ARMC8: variants seen among roughly 807,000 people sequenced by gnomAD.
The protein encoded by ARMC8 is armadillo repeat-containing protein 8.
A neutral mutation model predicts 99.3 loss-of-function variants in ARMC8; 20 were observed. That is an observed-to-expected ratio of 0.20 (90% CI 0.14 to 0.29). The LOEUF is 0.29. ARMC8 is among the 10% of genes least tolerant of loss of function. The pLI is 1.00. For missense variants in ARMC8, 569 were observed against 809.5 expected (o/e 0.70, Z 3.60); for synonymous variants, 263 against 278.3 (o/e 0.95, Z 0.55).
At chr3:138,218,918 A>C (rs1474110114) in intron 2 of ARMC8, among the ~76,000 whole-genome samples, 2 of 152,208 alleles carry the variant, frequency 1.3e-5, no homozygotes, top group Non-Finnish European at 2.9e-5. Context: ...TTTATTTTGC[A>C]TAAAAATGTA....
At chr3:138,264,412 C>CTT (rs11298899) in intron 14 of ARMC8, among the ~76,000 whole-genome samples, 200 bp downstream of exon 14, 91 of 48,592 alleles carry the variant, frequency 1.9e-3, no homozygotes, top group African/African-American at 4.0e-3. Flanking sequence ...GATTTTCTTT[C>CTT]TTTTTTTTTT....
At chr3:138,226,025 C>T (rs557973447) in intron 5 of ARMC8, among the ~76,000 whole-genome samples, 6 of 152,286 alleles carry the variant, frequency 3.9e-5, no homozygotes, top group African/African-American at 1.4e-4. Context: ...TGGAGTCTTG[C>T]TCTGTTGCCC....
intron 10 of ARMC8, among the ~76,000 whole-genome samples, chr3:138,241,233 G>A (rs1328368215): frequency 6.6e-6 from 1 of 152,160 alleles, no homozygotes; most frequent in Admixed American, 6.5e-5. Context: ...CATTTCAGTT[G>A]CATTATAGTA....
chr3:138,231,700 G>A (rs1014772344), intron 6 of ARMC8, among the ~76,000 whole-genome samples: 2 of 151,772 alleles, frequency 1.3e-5, no homozygotes, highest in East Asian at 1.9e-4. Context: ...TCCCTTGAGC[G>A]AGAGGATCCC....
intron 2 of ARMC8, among the ~76,000 whole-genome samples, chr3:138,216,984 A>G (rs2045085572): frequency 6.6e-6 from 1 of 152,228 alleles, no homozygotes; most frequent in Non-Finnish European, 1.5e-5. Context: ...AAATATGTTT[A>G]GCTACACATT....
chr3:138,215,537 A>G (rs2044974651), intron 2 of ARMC8, among the ~76,000 whole-genome samples: 1 of 152,098 alleles, frequency 6.6e-6, no homozygotes, highest in South Asian at 2.1e-4. Context: ...TCAAATGTAT[A>G]AAGCGCTTAA....
chr3:138,264,249 A>G (rs770785995), intron 14 of ARMC8, 37 bp downstream of exon 14: 3 of 1,552,400 alleles, frequency 1.9e-6, no homozygotes, highest in South Asian at 2.2e-5. Flanking sequence ...AGCTGTACTC[A>G]CAGACCCTAG....
chr3:138,221,505 T>TA (rs993544128), intron 2 of ARMC8, among the ~76,000 whole-genome samples: 30 of 148,940 alleles, frequency 2.0e-4, no homozygotes, highest in African/African-American at 2.7e-4. Flanking sequence ...TATAAAGAAG[T>TA]AAAAAAAAAA....
At chr3:138,226,367 T>G (rs180800359) in intron 5 of ARMC8, among the ~76,000 whole-genome samples, 2 of 152,300 alleles carry the variant, frequency 1.3e-5, no homozygotes, top group Non-Finnish European at 2.9e-5. Flanking sequence ...ATCTATAGAG[T>G]GTTTACTGTA....
At chr3:138,197,271 T>C (rs1416223643) in intron 1 of ARMC8, among the ~76,000 whole-genome samples, 3 of 152,130 alleles carry the variant, frequency 2.0e-5, no homozygotes, top group Non-Finnish European at 4.4e-5. Context: ...CTGCTGCAAA[T>C]GATGGGCTGA....
At chr3:138,257,836 CCAGACCTACTCT>C (rs765974183) in intron 12 of ARMC8, among the ~76,000 whole-genome samples, 5 of 152,130 alleles carry the variant, frequency 3.3e-5, no homozygotes, top group Non-Finnish European at 7.4e-5. Context: ...TTTTTCCTTG[CCAGACCTACTCT>C]CTCTCCCTGA....
intron 11 of ARMC8, among the ~76,000 whole-genome samples, chr3:138,244,435 G>A (rs960298909): frequency 3.3e-5 from 5 of 151,960 alleles, no homozygotes; most frequent in African/African-American, 9.7e-5. Context: ...CTGCCACCAC[G>A]CCCAGCTCAT....
chr3:138,246,504 TA>T, intron 12 of ARMC8: 2 of 985,694 alleles, frequency 2.0e-6, no homozygotes, highest in Non-Finnish European at 2.4e-6. Flanking sequence ...TGAACATTTT[TA>T]AAAAATTGGA....
intron 12 of ARMC8, among the ~76,000 whole-genome samples, chr3:138,255,193 T>C (rs1268707293): frequency 7.0e-6 from 1 of 142,776 alleles, no homozygotes; most frequent in Non-Finnish European, 1.5e-5. Context: ...TCTGTTCTGT[T>C]TTTTTTTTTT....
chr3:138,296,041 A>C lies in ARMC8; in HGVS notation c.*149A>C. Reference sequence around the variant, plus strand: ...AAGCAGTTTAGTAGGCTTAGATCTCAAATTCATCTTGAGAACATTTTTTTG... The same window carrying C: ...AAGCAGTTTAGTAGGCTTAGATCTCCAATTCATCTTGAGAACATTTTTTTG... On this transcript the variant is annotated 3_prime_UTR_variant, in exon 22 of 22. Transcript: ENST00000469044. The C allele has an allele frequency of 9.4e-5, 58 of 613,784 alleles. No homozygotes were observed. The highest frequency in any genetic ancestry group is 1.3e-4 in the Non-Finnish European group (50 of 378,336). 38.0% of individuals were successfully genotyped at this position (613,784 alleles called of 1,614,324 possible). A position where few individuals can be genotyped will look rare whatever the true frequency, so the allele number is the denominator to read the frequency against.
intron 18 of ARMC8, among the ~76,000 whole-genome samples, chr3:138,276,851 C>T (rs557330204): frequency 1.1e-4 from 16 of 152,284 alleles, no homozygotes; most frequent in Non-Finnish European, 1.5e-4. Flanking sequence ...CAAGCACAAT[C>T]ACAGCATGTT....
chr3:138,287,860 A>T, intron 19 of ARMC8: 1 of 293,580 alleles, frequency 3.4e-6, no homozygotes, highest in East Asian at 8.0e-5. Context: ...CATACTAGAA[A>T]TTTTTTTTAT....
At chr3:138,242,116 A>G in intron 11 of ARMC8, 133 bp downstream of exon 11, 2 of 699,320 alleles carry the variant, frequency 2.9e-6, no homozygotes, top group East Asian at 2.7e-5. Context: ...CTTTGGTAAC[A>G]TAGATAATAT....
chr3:138,245,203 G>A lies in ARMC8; in HGVS notation c.1134+20G>A, dbSNP rs1271154320. The A allele has an allele frequency of 2.5e-6, 4 of 1,614,182 alleles. No individual in the cohort carries two copies. Among genetic ancestry groups the A allele is most frequent in the Non-Finnish European group, 3.4e-6 (4 of 1,180,036 alleles). On this transcript the variant is annotated intron_variant, in intron 12 of 21. Coordinates refer to ENST00000469044, the MANE Select transcript of ARMC8 (RefSeq NM_001363941.2). The stretch of plus-strand genomic sequence containing the variant: ...AAGAAGGTGAGTCTGGGAGAGGGGC[G>A]TCCCCCAGTCCTGACAGCCAGCAGG...
Sources: gnomAD v4.1 joint callset for allele counts (sites outside exome capture counted in the v4.1 genomes callset) on GRCh38, gnomAD v4.1.1 for gene constraint, MANE v1.5 for transcripts, NCBI Gene and HGNC (gene_info 2026-07-23, HGNC 2026-07-21) for gene names.